Variants in TMEM233 observed in about 807,000 individuals in gnomAD.
TMEM233 encodes dispanin subfamily B member 2.
Under a neutral mutation model 11.2 loss-of-function variants are expected in TMEM233, and 6 were observed. The ratio of observed to expected loss-of-function variants is 0.54; its 90% CI spans 0.29 to 1.06. TMEM233 has a LOEUF of 1.06. Among genes scored for constraint, TMEM233 ranks in the 50% least tolerant of loss-of-function variants. The pLI, the probability that TMEM233 is intolerant of heterozygous loss-of-function variation, is 0.08. For synonymous variants in TMEM233, 59 were observed against 55.8 expected, an observed-to-expected ratio of 1.06 and a Z score of -0.26; for missense variants, 127 against 144.7, an observed-to-expected ratio of 0.88 and a Z score of 0.63.
At position 119,629,758 on chromosome 12, in the gene TMEM233, G is replaced by A. The variant is rs1408568252; in HGVS notation, c.209G>A (p.Gly70Glu). The A allele has an allele frequency of 1.3e-6, 2 of 1,551,496 alleles. No homozygotes were observed. Among genetic ancestry groups the A allele is most frequent in the Admixed American group, 2.0e-5 (1 of 50,968 alleles). The change falls in exon 2 of 3, where the codon GGA becomes GAA. Residue 70 changes from glycine to glutamate, a missense_variant. Gly to Glu is a moderately conservative substitution (Grantham distance 98, BLOSUM62 -2). Coordinates refer to ENST00000426426, the MANE Select transcript of TMEM233 (RefSeq NM_001136534.3). ...CAGTCTCTGAACAGCTACAACGATG[G>A]AGACTACGAAGGAGCCAGGCGGCTT... Reference protein sequence around the residue: ...SIMSLNSYNDGDYEGARRLGR... With the variant: ...SIMSLNSYNDEDYEGARRLGR...
intron 1 of TMEM233, among the ~76,000 whole-genome samples, chr12:119,597,686 G>A (rs975280900): frequency 3.9e-5 from 6 of 152,152 alleles, no homozygotes; most frequent in Admixed American, 3.9e-4. Flanking sequence ...CTGGGGTCCT[G>A]GGGGTTAGGA....
chr12:119,653,227 T>A, the TMEM233 span, among the ~76,000 whole-genome samples: 6 of 151,164 alleles, frequency 4.0e-5, no homozygotes, highest in Non-Finnish European at 8.9e-5. Context: ...CCCGTCTCTA[T>A]CAAAAATACA....
At chr12:119,650,978 C>T in the TMEM233 span, among the ~76,000 whole-genome samples, 1 of 152,172 alleles carries the variant, frequency 6.6e-6, no homozygotes, top group Non-Finnish European at 1.5e-5. Context: ...TGAGGTCTCA[C>T]TTCAATGTCT....
Position 119,634,250 on chromosome 12 carries a change from G to A in TMEM233, c.323+4378G>A. The stretch of plus-strand genomic sequence containing the variant: ...GGGGCTGGAAAATCTGACATTAGAG[G>A]AGTCGAAGCCTGAAGATGAGCCCAA... On this transcript the variant is annotated intron_variant, in intron 2 of 2. Transcript: ENST00000426426. 1.3e-5 allele frequency: 13 copies of A among 985,312 alleles called. No homozygotes were observed. In the South Asian group the frequency reaches 6.1e-4, roughly 46 times the overall value. 61.0% of individuals were successfully genotyped at this position (985,312 alleles called of 1,614,324 possible). A position where few individuals can be genotyped will look rare whatever the true frequency, so the allele number is the denominator to read the frequency against.
In TMEM233 at chr12:119,642,573, T is replaced by A. The variant is rs547295501; in HGVS notation, c.*1868T>A. ...CCTTTTGTTTTTGCAGGGTTTTTAT[T>A]GGCCACTAACTAGCTATGCAAGCTG... On this transcript the variant is annotated 3_prime_UTR_variant, in exon 3 of 3. Transcript: ENST00000426426. 1 of 152,306 alleles carries A rather than the reference T, an allele frequency of 6.6e-6. No individual in the cohort carries two copies. Among genetic ancestry groups the A allele is most frequent in the Non-Finnish European group, 1.5e-5 (1 of 68,022 alleles). The allele number at this position is 152,306 out of a possible 1,614,324, so 9.4% of individuals were successfully genotyped here.
chr12:119,620,563 C>A (rs1275445911), intron 1 of TMEM233, among the ~76,000 whole-genome samples: 1 of 152,046 alleles, frequency 6.6e-6, no homozygotes, highest in Non-Finnish European at 1.5e-5. Context: ...TACTAGGAAG[C>A]CTTAAAAAGA....
chr12:119,614,760 T>C (rs1036097471), intron 1 of TMEM233, among the ~76,000 whole-genome samples: 21 of 152,176 alleles, frequency 1.4e-4, no homozygotes, highest in Admixed American at 1.0e-3. Context: ...ATCTGTAAAA[T>C]AGGGGATAAG....
At chr12:119,598,147 T>C (rs993484736) in intron 1 of TMEM233, among the ~76,000 whole-genome samples, 1 of 152,236 alleles carries the variant, frequency 6.6e-6, no homozygotes, top group Non-Finnish European at 1.5e-5. Context: ...TGTGCCAGGC[T>C]CTATTCCAGC....
chr12:119,606,146 A>G (rs1566099320), intron 1 of TMEM233, among the ~76,000 whole-genome samples: 1 of 152,256 alleles, frequency 6.6e-6, no homozygotes, highest in Non-Finnish European at 1.5e-5. Flanking sequence ...ACATACATCA[A>G]GCTATTTTGA....
At chr12:119,620,508 C>G (rs979315077) in intron 1 of TMEM233, among the ~76,000 whole-genome samples, 1 of 152,142 alleles carries the variant, frequency 6.6e-6, no homozygotes, top group East Asian at 1.9e-4. Context: ...TTTTAAATAA[C>G]TAAATGTCTA....
intron 1 of TMEM233, among the ~76,000 whole-genome samples, chr12:119,626,811 T>C (rs1305124155): frequency 6.6e-6 from 1 of 152,172 alleles, no homozygotes; most frequent in Non-Finnish European, 1.5e-5. Context: ...CCTCAAAAAC[T>C]TCACATTCTG....
At chr12:119,601,117 T>C (rs1954155224) in intron 1 of TMEM233, among the ~76,000 whole-genome samples, 1 of 152,062 alleles carries the variant, frequency 6.6e-6, no homozygotes, top group African/African-American at 2.4e-5. Flanking sequence ...GAGAGGAGAT[T>C]ATCAAATAAG....
intron 1 of TMEM233, among the ~76,000 whole-genome samples, chr12:119,616,610 T>C (rs528267229): frequency 6.6e-6 from 1 of 152,308 alleles, no homozygotes; most frequent in East Asian, 1.9e-4. Flanking sequence ...TTCTCTGTGG[T>C]GATGGAGCAT....
intron 1 of TMEM233, among the ~76,000 whole-genome samples, chr12:119,628,878 G>C (rs1005914784): frequency 1.3e-5 from 2 of 152,158 alleles, no homozygotes; most frequent in African/African-American, 4.8e-5. Flanking sequence ...GGGCTCACCT[G>C]CCCTACAACA....
chr12:119,599,387 T>A (rs976894415), intron 1 of TMEM233, among the ~76,000 whole-genome samples: 25 of 152,254 alleles, frequency 1.6e-4, no homozygotes, highest in African/African-American at 5.8e-4. Flanking sequence ...TATCAAAACA[T>A]CTCATGTACC....
intron 1 of TMEM233, among the ~76,000 whole-genome samples, chr12:119,596,487 CTTTTT>C (rs34129084): frequency 7.7e-5 from 7 of 90,380 alleles, no homozygotes; most frequent in Middle Eastern, 0.023. Flanking sequence ...AAGTTTGTAT[CTTTTT>C]TTTTTTTTTT....
At chr12:119,629,564 G>A (rs1954835263) in intron 1 of TMEM233, among the ~76,000 whole-genome samples, 172 bp from the exon 2 acceptor site, 1 of 152,324 alleles carries the variant, frequency 6.6e-6, no homozygotes, top group Non-Finnish European at 1.5e-5. Flanking sequence ...AGAGTTTAGG[G>A]AAGGATTCCT....
intron 1 of TMEM233, among the ~76,000 whole-genome samples, chr12:119,628,492 C>CTT (rs60789807): frequency 3.1e-3 from 160 of 52,438 alleles, no homozygotes; most frequent in East Asian, 7.4e-3. Context: ...CCAGCTCACT[C>CTT]TTTTTTTTTT....
chr12:119,615,807 C>T (rs1366214412), intron 1 of TMEM233, among the ~76,000 whole-genome samples: 1 of 152,112 alleles, frequency 6.6e-6, no homozygotes, highest in Non-Finnish European at 1.5e-5. Flanking sequence ...ACTCTCAGAA[C>T]ATTAGACCTA....
Sources: gnomAD v4.1 joint callset for allele counts (sites outside exome capture counted in the v4.1 genomes callset) on GRCh38, gnomAD v4.1.1 for gene constraint, MANE v1.5 for transcripts, NCBI Gene and HGNC (gene_info 2026-07-23, HGNC 2026-07-21) for gene names.